Variants in DPP8 observed in about 807,000 individuals in gnomAD.
The protein encoded by DPP8 is DPP VIII.
A neutral mutation model predicts 107.5 loss-of-function variants in DPP8; 31 were observed. The observed-to-expected ratio is 0.29, with a 90% confidence interval of 0.22 to 0.39. DPP8 has a LOEUF of 0.39. Ranked by LOEUF, DPP8 falls within the 10% of genes least tolerant of loss-of-function variation. The pLI, the probability that DPP8 is intolerant of heterozygous loss-of-function variation, is 1.00. For synonymous variants in DPP8, 381 were observed against 356.6 expected, an observed-to-expected ratio of 1.07 and a Z score of -0.77; for missense variants, 842 against 1,076.1, an observed-to-expected ratio of 0.78 and a Z score of 3.04.
chr15:65,507,685 A>G (rs1201093515), intron 2 of DPP8, among the ~76,000 whole-genome samples: 2 of 149,972 alleles, frequency 1.3e-5, no homozygotes, highest in Admixed American at 6.7e-5. Flanking sequence ...AAGAAATCTG[A>G]GGCTTTAAAG....
intron 2 of DPP8, among the ~76,000 whole-genome samples, chr15:65,508,100 C>T (rs774087722): frequency 3.3e-5 from 5 of 152,042 alleles, no homozygotes; most frequent in Admixed American, 6.6e-5. Context: ...ATTAGCTGGG[C>T]GTGGTGGCAC....
chr15:65,512,858 T>C (rs2070972511), intron 1 of DPP8: 2 of 336,172 alleles, frequency 5.9e-6, no homozygotes, highest in Non-Finnish European at 1.1e-5. Flanking sequence ...AACTCCCTTT[T>C]CTTTCCCACA....
chr15:65,501,301 A>G (rs1421604404), intron 3 of DPP8, among the ~76,000 whole-genome samples: 2 of 152,154 alleles, frequency 1.3e-5, no homozygotes, highest in East Asian at 3.8e-4. Flanking sequence ...ATTTCCTAGT[A>G]AAGAGTCTTT....
chr15:65,459,431 G>A (rs187874082), intron 15 of DPP8: 1 of 152,030 alleles, frequency 6.6e-6, no homozygotes, highest in African/African-American at 2.4e-5. Context: ...GCCTCCCAAA[G>A]TGCTGGGATT....
intron 11 of DPP8, chr15:65,475,476 CCT>C: frequency 6.5e-7 from 1 of 1,537,948 alleles, no homozygotes; most frequent in South Asian, 1.1e-5. Flanking sequence ...GGCTGGGGTC[CCT>C]GTCTCACTCC....
intron 8 of DPP8, 84 bp from the exon 9 acceptor site, chr15:65,481,699 C>T (rs1210600849): frequency 1.2e-6 from 1 of 831,736 alleles, no homozygotes; most frequent in Non-Finnish European, 1.8e-6. Context: ...ACAATTTATC[C>T]AAAAAGCAGA....
At position 65,479,966 on chromosome 15, in the gene DPP8, G is replaced by A. The variant is rs116666382; in HGVS notation, c.1296+256C>T. On this transcript the variant is annotated intron_variant, in intron 10 of 19. Transcript: ENST00000300141. ...GAAGTCCTCTCAGGAGCACTGATGA[G>A]GCTGTATATTTAATATCTATTATCT... Among the ~76,000 whole-genome samples, 521 of 151,938 alleles carry A rather than the reference G, an allele frequency of 3.4e-3. 3 individuals are homozygous for A. The highest frequency in any genetic ancestry group is 0.012 in the African/African-American group (490 of 41,436).
intron 1 of DPP8, among the ~76,000 whole-genome samples, chr15:65,515,006 T>G (rs1460369353): frequency 1.3e-5 from 2 of 152,144 alleles, no homozygotes; most frequent in Non-Finnish European, 2.9e-5. Context: ...ACTGTCCAGT[T>G]TATTTTTTTT....
chr15:65,463,702 A>G lies in DPP8; in HGVS notation c.1971+59T>C. On this transcript the variant is annotated intron_variant, in intron 15 of 19. Coordinates refer to ENST00000300141, the MANE Select transcript of DPP8 (RefSeq NM_130434.5). ...AAACTGACTAGACATTTAAAAAACA[A>G]AAGATCTAAAATACATATGCATATG... 4.1e-6 allele frequency: 6 copies of G among 1,454,196 alleles called. No homozygotes were observed. The South Asian group carries it at 6.1e-5, about 15-fold the overall frequency. The allele number at this position is 1,454,196 out of a possible 1,614,324, so 90.1% of individuals were successfully genotyped here. A position where few individuals can be genotyped will look rare whatever the true frequency, so the allele number is the denominator to read the frequency against.
chr15:65,490,078 T>C (rs919507496), intron 6 of DPP8, 111 bp downstream of exon 6: 3 of 652,980 alleles, frequency 4.6e-6, no homozygotes, highest in Non-Finnish European at 8.0e-6. Context: ...TTGGAATCTA[T>C]TATCCGCTTT....
At chr15:65,513,781 T>C (rs2071098096) in intron 1 of DPP8, among the ~76,000 whole-genome samples, 1 of 152,224 alleles carries the variant, frequency 6.6e-6, no homozygotes, top group African/African-American at 2.4e-5. Flanking sequence ...GTTGCATTTC[T>C]CCTTTATCTT....
At chr15:65,513,024 C>T (rs2070992876) in intron 1 of DPP8, among the ~76,000 whole-genome samples, 1 of 152,084 alleles carries the variant, frequency 6.6e-6, no homozygotes, top group East Asian at 1.9e-4. Flanking sequence ...CAGAAATAAC[C>T]ACAACAAATG....
Position 65,475,535 on chromosome 15 carries a change from C to A in DPP8, c.1457-1247G>T, listed in dbSNP as rs559055390. The A allele has an allele frequency of 1.9e-5, 25 of 1,340,086 alleles. No individual in the cohort carries two copies. The African/African-American group carries it at 2.2e-4, about 12-fold the overall frequency. 83.0% of individuals were successfully genotyped at this position (1,340,086 alleles called of 1,614,324 possible). A position where few individuals can be genotyped will look rare whatever the true frequency, so the allele number is the denominator to read the frequency against. ...TGCCATAAAGGCATTAAAACCAGCC[C>A]GGTGCAATCCATCCCCAGGCACTGA... On this transcript the variant is annotated intron_variant, in intron 11 of 19. Coordinates refer to ENST00000300141, the MANE Select transcript of DPP8 (RefSeq NM_130434.5).
chr15:65,462,781 T>C lies in DPP8; in HGVS notation c.1971+980A>G, dbSNP rs56341333. On this transcript the variant is annotated intron_variant, in intron 15 of 19. Coordinates refer to ENST00000300141, the MANE Select transcript of DPP8 (RefSeq NM_130434.5). ...TTTTAGTAGCGATAGGGTTTCATCA[T>C]TGTTGGCCAGGATGGTCTCGATCTC... Among the ~76,000 whole-genome samples, 469 of 152,126 alleles carry C rather than the reference T, an allele frequency of 3.1e-3. 1 individual carries two copies. The highest frequency in any genetic ancestry group is 0.011 in the African/African-American group (452 of 41,502).
intron 10 of DPP8, 73 bp from the exon 11 acceptor site, chr15:65,479,112 A>C (rs1348148798): frequency 3.9e-6 from 4 of 1,025,232 alleles, no homozygotes; most frequent in Non-Finnish European, 5.4e-6. Context: ...CTACAGGAAA[A>C]ATTTCTTGAT....
chr15:65,471,439 C>A (rs897655114), intron 12 of DPP8, among the ~76,000 whole-genome samples: 1 of 151,664 alleles, frequency 6.6e-6, no homozygotes, highest in Non-Finnish European at 1.5e-5. Context: ...CTCAACCTCC[C>A]GGGCTAAAGC....
intron 1 of DPP8, chr15:65,516,056 A>G (rs2071406255): frequency 2.6e-6 from 1 of 377,554 alleles, no homozygotes; most frequent in East Asian, 3.9e-5. Context: ...AAGGAAAACC[A>G]TGGAAAGGCT....
chr15:65,478,732 T>C (rs2066632685), intron 11 of DPP8, 148 bp downstream of exon 11: 9 of 566,752 alleles, frequency 1.6e-5, no homozygotes, highest in Non-Finnish European at 6.1e-6. Context: ...TACACATACA[T>C]GTATTTATGT....
chr15:65,480,878 T>C (rs2066867301), intron 9 of DPP8, among the ~76,000 whole-genome samples: 1 of 152,068 alleles, frequency 6.6e-6, no homozygotes, highest in Non-Finnish European at 1.5e-5. Context: ...AAGAGGATCA[T>C]TTGAGCCCAG....
Sources: gnomAD v4.1 joint callset for allele counts (sites outside exome capture counted in the v4.1 genomes callset) on GRCh38, gnomAD v4.1.1 for gene constraint, MANE v1.5 for transcripts, NCBI Gene and HGNC (gene_info 2026-07-23, HGNC 2026-07-21) for gene names.